The following RAB3D variants were observed in gnomAD, a reference collection of about 807,000 sequenced individuals.
RAB3D encodes the protein RAB3D, member RAS oncogene family.
In RAB3D, 17 loss-of-function variants were observed where a neutral mutation model predicts 19.3. The ratio of observed to expected loss-of-function variants is 0.88; its 90% CI spans 0.60 to 1.32. The LOEUF (loss-of-function observed/expected upper bound fraction) is 1.32. Among genes scored for constraint, RAB3D ranks in the 40% most tolerant of loss-of-function variants. RAB3D has a pLI of 0.00. For missense variants in RAB3D, 223 were observed against 299.1 expected (o/e 0.75, Z 1.88); for synonymous variants, 103 against 119.9 (o/e 0.86, Z 0.92).
At chr19:11,331,725 C>A (rs2080836146) in intron 4 of RAB3D, among the ~76,000 whole-genome samples, 1 of 151,184 alleles carries the variant, frequency 6.6e-6, no homozygotes, top group South Asian at 2.1e-4. Context: ...CCCCTGGGCT[C>A]AAGCAATCCT....
chr19:11,331,576 T>C (rs2080835779), intron 4 of RAB3D, among the ~76,000 whole-genome samples: 1 of 152,106 alleles, frequency 6.6e-6, no homozygotes, highest in Non-Finnish European at 1.5e-5. Flanking sequence ...GCCAGTGTGC[T>C]GGCTTATACT....
chr19:11,332,570 C>T (rs550924143), intron 4 of RAB3D, among the ~76,000 whole-genome samples: 13 of 152,302 alleles, frequency 8.5e-5, no homozygotes, highest in Non-Finnish European at 1.8e-4. Flanking sequence ...GTCTCAAAGT[C>T]CTGGGCTTCA....
At position 11,335,768 on chromosome 19, in the gene RAB3D, C is replaced by T. The variant is rs1409812291; in HGVS notation, c.244G>A (p.Glu82Lys). The change falls in exon 3 of 5, where the codon GAG becomes AAG. Residue 82 changes from glutamate (E) to lysine (K), a missense_variant. Transcript: ENST00000222120. ...GCCGTGGTGATGGTGCGGTAGCGCT[C>T]CTGGCCCGCTGTGTCCTGGACAAAT... The part of the protein sequence containing the change: ...KLQIWDTAGQ[E>K]RYRTITTAYY... 2 of 1,614,042 alleles carry T rather than the reference C, an allele frequency of 1.2e-6. No homozygotes were observed. The highest frequency in any genetic ancestry group is 1.3e-5 in the African/African-American group (1 of 74,934).
chr19:11,325,125 T>C lies in RAB3D; in HGVS notation c.*273A>G, dbSNP rs2080803876. On this transcript the variant is annotated 3_prime_UTR_variant, in exon 5 of 5. Transcript: ENST00000222120. The stretch of plus-strand genomic sequence containing the variant: ...ACCCATGGCCACCCTCAACACACCC[T>C]GGAAAGCAGCAAGCTCATGCACGTC... 2 of 363,248 alleles carry C rather than the reference T, an allele frequency of 5.5e-6. No individual in the cohort carries two copies. Among genetic ancestry groups the C allele is most frequent in the Non-Finnish European group, 1.0e-5 (2 of 192,662 alleles). The allele number at this position is 363,248 out of a possible 1,614,324, so 22.5% of individuals were successfully genotyped here.
At chr19:11,326,303 C>T (rs2080812625) in intron 4 of RAB3D, among the ~76,000 whole-genome samples, 1 of 151,858 alleles carries the variant, frequency 6.6e-6, no homozygotes, top group South Asian at 2.1e-4. Context: ...ATGGTTTGAG[C>T]CCAGGAGGTC....
At chr19:11,336,949 G>A (rs1305186069) in intron 2 of RAB3D, among the ~76,000 whole-genome samples, 2 of 147,162 alleles carry the variant, frequency 1.4e-5, no homozygotes, top group African/African-American at 5.1e-5. Flanking sequence ...CAGCCTGGGC[G>A]ACAGAGCAAG....
At chr19:11,335,944 C>T (rs1248730039) in intron 2 of RAB3D, among the ~76,000 whole-genome samples, 161 bp from the exon 3 acceptor site, 1 of 152,230 alleles carries the variant, frequency 6.6e-6, no homozygotes, top group Non-Finnish European at 1.5e-5. Flanking sequence ...AGATCCTGCC[C>T]TCACAACCCC....
At position 11,325,520 on chromosome 19, in the gene RAB3D, C is replaced by T; in HGVS notation, c.538G>A (p.Val180Met). The T allele has an allele frequency of 6.2e-7, 1 of 1,613,784 alleles. No homozygotes were observed. Among genetic ancestry groups the T allele is most frequent in the Non-Finnish European group, 8.5e-7 (1 of 1,180,012 alleles). The change falls in exon 5 of 5, where the codon GTG becomes ATG. Residue 180 changes from valine (V) to methionine (M), a missense_variant. Physicochemically the swap from Val to Met is conservative, Grantham distance 21 (BLOSUM62 1). Coordinates refer to ENST00000222120, the MANE Select transcript of RAB3D (RefSeq NM_004283.4). ...INVKQVFERL[V>M]DVICEKMNES... is the part of the protein sequence containing the mutation. The stretch of plus-strand genomic sequence containing the variant: ...TTCATCTTCTCGCAGATGACATCCA[C>T]CAGGCGCTCGAAGACCTGCTTCACA...
chr19:11,339,136 A>C (rs940460429), intron 1 of RAB3D, among the ~76,000 whole-genome samples: 2 of 147,488 alleles, frequency 1.4e-5, no homozygotes, highest in African/African-American at 2.5e-5. Flanking sequence ...TGGGGCCCCC[A>C]CCTCCCCCAG....
chr19:11,328,827 C>G (rs1303243436), intron 4 of RAB3D, among the ~76,000 whole-genome samples: 1 of 151,430 alleles, frequency 6.6e-6, no homozygotes, highest in Non-Finnish European at 1.5e-5. Flanking sequence ...AAAACAAAAA[C>G]ACAAAGAAAT....
chr19:11,328,333 CAAAAAAA>C (rs71164187), intron 4 of RAB3D, among the ~76,000 whole-genome samples: 1 of 57,836 alleles, frequency 1.7e-5, no homozygotes, highest in Non-Finnish European at 3.4e-5. Context: ...GATATTATCT[CAAAAAAA>C]AAAAAAAAAA....
rs545517733 is a variant in RAB3D at position 11,333,573 on chromosome 19, G to C, written c.472+1874C>G. Among the ~76,000 whole-genome samples the C allele has an allele frequency of 2.0e-5, 3 of 152,236 alleles. No homozygotes were observed. In the East Asian group the frequency reaches 5.8e-4, roughly 29 times the overall value. ...AGACCAGAACTGCAGGTGGGGAGTG[G>C]GTTATTGCCTTAGTCTCTTCCTGTG... On this transcript the variant is annotated intron_variant, in intron 4 of 4. Transcript: ENST00000222120.
chr19:11,331,135 T>C (rs1389462168), intron 4 of RAB3D, among the ~76,000 whole-genome samples: 1 of 151,470 alleles, frequency 6.6e-6, no homozygotes. Flanking sequence ...CTACTAAAGA[T>C]ACAAAAATTA....
Position 11,322,337 on chromosome 19 carries a change from C to T in RAB3D, c.*3061G>A, listed in dbSNP as rs955572501. On this transcript the variant is annotated 3_prime_UTR_variant, in exon 5 of 5. Transcript: ENST00000222120. ...GTGATCTTGGGAGGAGTCCCCCAGT[C>T]CCCCGAAAAAGAAGAAGAAAAAAAA... The T allele has an allele frequency of 6.6e-5, 10 of 151,284 alleles. No individual in the cohort carries two copies. Among genetic ancestry groups the T allele is most frequent in the African/African-American group, 1.9e-4 (8 of 41,220 alleles). 9.4% of individuals were successfully genotyped at this position (151,284 alleles called of 1,614,324 possible). A position where few individuals can be genotyped will look rare whatever the true frequency, so the allele number is the denominator to read the frequency against.
Position 11,339,301 on chromosome 19 carries a change from A to G in RAB3D, c.-62+168T>C, listed in dbSNP as rs560266753. 1.9e-3 allele frequency among the ~76,000 whole-genome samples: 288 copies of G among 152,190 alleles called. 1 individual carries two copies. Among genetic ancestry groups the G allele is most frequent in the African/African-American group, 6.9e-3 (287 of 41,540 alleles). ...GGACTCAGGAGTTTCCCCCATCACC[A>G]TATGGTCCCAACGCCTGTCCCCAGC... On this transcript the variant is annotated intron_variant, in intron 1 of 4. Transcript: ENST00000222120.
At position 11,325,301 on chromosome 19, in the gene RAB3D, G is replaced by A. The variant is rs886898714; in HGVS notation, c.*97C>T. The A allele has an allele frequency of 6.6e-6, 5 of 753,862 alleles. No homozygotes were observed. Among genetic ancestry groups the A allele is most frequent in the African/African-American group, 1.8e-5 (1 of 56,844 alleles). The allele number at this position is 753,862 out of a possible 1,614,324, so 46.7% of individuals were successfully genotyped here. A position where few individuals can be genotyped will look rare whatever the true frequency, so the allele number is the denominator to read the frequency against. Reference sequence around the variant, plus strand: ...GGGGAGCAGTTGACAGGAGGGAAGGGATTGCCCTGAGCTTGGAGATAACCA... The same window carrying A: ...GGGGAGCAGTTGACAGGAGGGAAGGAATTGCCCTGAGCTTGGAGATAACCA... On this transcript the variant is annotated 3_prime_UTR_variant, in exon 5 of 5. Transcript: ENST00000222120.
intron 4 of RAB3D, among the ~76,000 whole-genome samples, chr19:11,329,232 A>G (rs775335599): frequency 6.6e-5 from 10 of 151,992 alleles, no homozygotes; most frequent in Non-Finnish European, 1.2e-4. Flanking sequence ...GTCTTTTTCT[A>G]TATAAATATG....
chr19:11,327,751 C>T (rs1036031691), intron 4 of RAB3D, among the ~76,000 whole-genome samples: 8 of 152,080 alleles, frequency 5.3e-5, no homozygotes, highest in Non-Finnish European at 8.8e-5. Context: ...ATCCCAACTA[C>T]TCAGGAGGCC....
At chr19:11,327,311 G>C (rs901629897) in intron 4 of RAB3D, among the ~76,000 whole-genome samples, 2 of 152,178 alleles carry the variant, frequency 1.3e-5, no homozygotes, top group African/African-American at 2.4e-5. Flanking sequence ...TGTCAGCCCA[G>C]AGATATCAAA....
Sources: gnomAD v4.1 joint callset for allele counts (sites outside exome capture counted in the v4.1 genomes callset) on GRCh38, gnomAD v4.1.1 for gene constraint, MANE v1.5 for transcripts, NCBI Gene and HGNC (gene_info 2026-07-23, HGNC 2026-07-21) for gene names.